Variants in SLC35A2 observed in about 807,000 individuals in gnomAD.
SLC35A2 encodes the protein UDP-galactose translocator.
A neutral mutation model predicts 17.3 loss-of-function variants in SLC35A2; 1 was observed. The observed-to-expected ratio is 0.06, with a 90% CI of 0.02 to 0.27. The LOEUF (loss-of-function observed/expected upper bound fraction) is 0.27. SLC35A2 is among the 10% of genes least tolerant of loss of function. The probability of loss-of-function intolerance (pLI) is 1.00; values close to 1 mark genes in which losing one functional copy is unlikely to be tolerated. For synonymous variants in SLC35A2, 161 were observed against 161.3 expected (o/e 1.00, Z 0.01); for missense variants, 191 against 339.3 (o/e 0.56, Z 3.43).
rs782629875 is a variant in SLC35A2 at position 48,905,379 on chromosome X, G to A, written c.530C>T (p.Thr177Ile). The change falls in exon 4 of 5, where the codon ACT becomes ATT. Residue 177 changes from threonine to isoleucine, a missense_variant. Transcript: ENST00000247138. ...LQWASLLLLFTGVAIVQAQQA... is the reference protein window; with the variant it reads ...LQWASLLLLFIGVAIVQAQQA... ...CTGTGCCTGGACAATGGCGACGCCA[G>A]TGAAGAGGAGCAGCAGGGAGGCCCA... 8.4e-7 allele frequency: 1 copy of A among 1,196,890 alleles called. No individual in the cohort carries two copies. Among genetic ancestry groups the A allele is most frequent in the Non-Finnish European group, 1.1e-6 (1 of 888,895 alleles).
Sources: allele counts gnomAD v4.1 joint callset, GRCh38; gene constraint gnomAD v4.1.1; transcripts MANE v1.5; gene names NCBI Gene and HGNC (gene_info 2026-07-23, HGNC 2026-07-21).